ZDHHC17: variants seen among roughly 807,000 people sequenced by gnomAD.
The protein encoded by ZDHHC17 is zDHHC palmitoyltransferase 17.
Under a neutral mutation model 90.3 loss-of-function variants are expected in ZDHHC17, and 40 were observed. The ratio of observed to expected loss-of-function variants is 0.44; its 90% CI spans 0.34 to 0.58. The LOEUF (loss-of-function observed/expected upper bound fraction) is 0.58, where lower values mean the gene tolerates loss of function less well. Ranked by LOEUF, ZDHHC17 falls within the 20% of genes least tolerant of loss-of-function variation. The probability of loss-of-function intolerance (pLI) is 0.01; values close to 1 mark genes in which losing one functional copy is unlikely to be tolerated. For missense variants in ZDHHC17, 614 were observed against 780.8 expected (o/e 0.79, Z 2.55); for synonymous variants, 235 against 252.4 (o/e 0.93, Z 0.65).
At chr12:76,830,202 T>C (rs1328384276) in intron 10 of ZDHHC17, among the ~76,000 whole-genome samples, 2 of 152,240 alleles carry the variant, frequency 1.3e-5, no homozygotes, top group African/African-American at 4.8e-5. Context: ...TTAAATGATA[T>C]GCAGCTTTTG....
intron 10 of ZDHHC17, among the ~76,000 whole-genome samples, chr12:76,833,102 A>T (rs1259060731): frequency 6.6e-6 from 1 of 152,182 alleles, no homozygotes. Context: ...TTTTACATTG[A>T]TGTAAACTGT....
chr12:76,812,603 A>G (rs917418657), intron 5 of ZDHHC17, among the ~76,000 whole-genome samples: 15 of 151,916 alleles, frequency 9.9e-5, no homozygotes, highest in Admixed American at 8.5e-4. Flanking sequence ...AATTTTTACT[A>G]CATTTTTATT....
intron 15 of ZDHHC17, 53 bp from the exon 16 acceptor site, chr12:76,849,323 C>CAAAAAAAAAAAAAAAA (rs34062414): frequency 8.4e-5 from 38 of 454,802 alleles, no homozygotes; most frequent in South Asian, 1.3e-4. Flanking sequence ...GGTCCTGTCT[C>CAAAAAAAAAAAAAAAA]AAAAAAAAAA....
intron 3 of ZDHHC17, among the ~76,000 whole-genome samples, chr12:76,806,241 A>G (rs1952952324): frequency 6.6e-6 from 1 of 151,940 alleles, no homozygotes; most frequent in Non-Finnish European, 1.5e-5. Context: ...AGCACAGGCG[A>G]ATACCACCAC....
chr12:76,792,133 T>G (rs949257517), intron 1 of ZDHHC17, among the ~76,000 whole-genome samples: 2 of 152,134 alleles, frequency 1.3e-5, no homozygotes, highest in African/African-American at 2.4e-5. Context: ...ACTTGGTCAT[T>G]CTAGTCACCA....
chr12:76,805,430 A>G lies in ZDHHC17; in HGVS notation c.311A>G (p.Asp104Gly). The G allele has an allele frequency of 6.3e-7, 1 of 1,579,432 alleles. No homozygotes were observed. The highest frequency in any genetic ancestry group is 8.6e-7 in the Non-Finnish European group (1 of 1,160,594). Residue 104 changes from aspartate to glycine, a missense_variant, in exon 3 of 17, where the codon GAT becomes GGT. Around this residue, in one of 5 missense-constraint regions of ZDHHC17, gnomAD observed 358 missense variants for 380.4 expected, o/e 0.94. Transcript: ENST00000426126. Reference sequence around the variant, plus strand: ...TGGGCTGCCATCAATAACAGAATAGATTTAGTCAAGTATGTATTTTCTCTA... The same window carrying G: ...TGGGCTGCCATCAATAACAGAATAGGTTTAGTCAAGTATGTATTTTCTCTA... ...LHWAAINNRI[D>G]LVKYYISKGA...
chr12:76,776,452 C>T (rs1476443029), intron 1 of ZDHHC17, among the ~76,000 whole-genome samples: 1 of 152,088 alleles, frequency 6.6e-6, no homozygotes, highest in Non-Finnish European at 1.5e-5. Flanking sequence ...TATGCTTGTA[C>T]ATTTAAATAT....
At chr12:76,825,863 AT>A (rs1455065056) in intron 8 of ZDHHC17, among the ~76,000 whole-genome samples, 1 of 152,008 alleles carries the variant, frequency 6.6e-6, no homozygotes, top group Non-Finnish European at 1.5e-5. Context: ...ACAGGGTTTC[AT>A]TTTGTTGCCC....
intron 10 of ZDHHC17, among the ~76,000 whole-genome samples, chr12:76,831,308 T>G (rs1592492970): frequency 6.6e-6 from 1 of 152,222 alleles, no homozygotes; most frequent in East Asian, 1.9e-4. Flanking sequence ...TCACAATTTT[T>G]TTTTGTTTTT....
chr12:76,835,290 A>G (rs1953350863), intron 10 of ZDHHC17, among the ~76,000 whole-genome samples: 1 of 152,080 alleles, frequency 6.6e-6, no homozygotes, highest in South Asian at 2.1e-4. Flanking sequence ...AACTCAAGTG[A>G]TCTACCTGCT....
chr12:76,816,960 T>C (rs1056681101), intron 7 of ZDHHC17, among the ~76,000 whole-genome samples: 8 of 151,992 alleles, frequency 5.3e-5, no homozygotes, highest in African/African-American at 1.9e-4. Flanking sequence ...CTAACAAAAG[T>C]GATCAGAATA....
At chr12:76,798,960 A>G (rs1952854996) in intron 2 of ZDHHC17, among the ~76,000 whole-genome samples, 1 of 152,166 alleles carries the variant, frequency 6.6e-6, no homozygotes, top group Non-Finnish European at 1.5e-5. Flanking sequence ...ATTGAACATA[A>G]GATTTGGGTG....
chr12:76,829,143 G>A (rs949695938), intron 10 of ZDHHC17, among the ~76,000 whole-genome samples: 6 of 152,098 alleles, frequency 3.9e-5, no homozygotes, highest in Non-Finnish European at 7.3e-5. Context: ...AAAACAGTAT[G>A]GCGATTTCTC....
intron 1 of ZDHHC17, among the ~76,000 whole-genome samples, chr12:76,797,127 G>T (rs1415618313): frequency 2.6e-5 from 4 of 152,072 alleles, no homozygotes; most frequent in Admixed American, 2.6e-4. Context: ...AGCTGGGCAT[G>T]GTGGCACGTG....
At position 76,849,445 on chromosome 12, in the gene ZDHHC17, A is replaced by G. The variant is rs1428733016; in HGVS notation, c.1735A>G (p.Thr579Ala). ...ARRYKHFKVT[T>A]TSIESPFNHG... ...GAGATACAAGCACTTTAAAGTCACAACAACGTCTATTGAAAGCCCATTCAA... is the reference window on the plus strand; with the variant it reads ...GAGATACAAGCACTTTAAAGTCACAGCAACGTCTATTGAAAGCCCATTCAA... Residue 579 changes from threonine (T) to alanine (A), a missense_variant, in exon 16 of 17, where the codon ACA (threonine) becomes GCA (alanine). Thr to Ala is a moderately conservative substitution (Grantham distance 58). This residue lies in a region of ZDHHC17 where 111 missense variants were observed against 179.8 expected (regional missense o/e 0.62). Transcript: ENST00000426126. 1.1e-5 allele frequency: 17 copies of G among 1,552,980 alleles called. No homozygotes were observed. The highest frequency in any genetic ancestry group is 1.9e-5 in the Admixed American group (1 of 51,524).
chr12:76,764,175 TCGCCCCGCGCTCGCCCTC>T lies in ZDHHC17; in HGVS notation c.-57_-40del. ...GCGTCGCCTCCGGCGGGGCTCGCGC[TCGCCCCGCGCTCGCCCTC>T]CGCCTCGCCCGAGCCCCGGGAGGGT... is the stretch of plus-strand genomic sequence containing the variant. On this transcript the variant is annotated 5_prime_UTR_variant, in exon 1 of 17. Coordinates refer to ENST00000426126, the MANE Select transcript of ZDHHC17 (RefSeq NM_015336.4). The T allele has an allele frequency of 7.0e-6, 8 of 1,136,806 alleles. No homozygotes were observed. Among genetic ancestry groups the T allele is most frequent in the Non-Finnish European group, 9.6e-6 (8 of 830,396 alleles). 70.4% of individuals were successfully genotyped at this position (1,136,806 alleles called of 1,614,324 possible).
At chr12:76,847,975 C>T (rs918567600) in intron 14 of ZDHHC17, among the ~76,000 whole-genome samples, 5 of 152,172 alleles carry the variant, frequency 3.3e-5, no homozygotes, top group Non-Finnish European at 7.3e-5. Context: ...TTATGTGATG[C>T]AATACCAATC....
At chr12:76,805,526 C>T (rs1169549840) in intron 3 of ZDHHC17, 87 bp downstream of exon 3, 29 of 1,141,982 alleles carry the variant, frequency 2.5e-5, no homozygotes, top group Non-Finnish European at 1.3e-5. Context: ...AAAACTAATA[C>T]TTTCTAAAAT....
chr12:76,770,674 A>T (rs1431831624), intron 1 of ZDHHC17, among the ~76,000 whole-genome samples: 1 of 152,172 alleles, frequency 6.6e-6, no homozygotes, highest in Non-Finnish European at 1.5e-5. Context: ...TTGGTGGCTT[A>T]CGCCTGTAAT....
Sources: gnomAD v4.1 joint callset for allele counts (sites outside exome capture counted in the v4.1 genomes callset) on GRCh38, gnomAD v4.1.1 for gene constraint, gnomAD v4.1.1 regional missense constraint, MANE v1.5 for transcripts, NCBI Gene and HGNC (gene_info 2026-07-23, HGNC 2026-07-21) for gene names.